KCNH7: variants seen among roughly 807,000 people sequenced by gnomAD.
KCNH7 encodes the protein potassium voltage-gated channel subfamily H member 7.
Under a neutral mutation model 120.8 loss-of-function variants are expected in KCNH7, and 49 were observed. That is an observed-to-expected ratio of 0.41 (90% CI 0.32 to 0.51). KCNH7 has a LOEUF of 0.51. Among genes scored for constraint, KCNH7 ranks in the 20% least tolerant of loss-of-function variants. The pLI is 0.38. For missense variants in KCNH7, 1,097 were observed against 1,446.6 expected, an observed-to-expected ratio of 0.76 and a Z score of 3.92; for synonymous variants, 547 against 516.1, an observed-to-expected ratio of 1.06 and a Z score of -0.81.
intron 2 of KCNH7, among the ~76,000 whole-genome samples, chr2:162,647,066 G>C (rs1031938534): frequency 1.5e-4 from 23 of 152,206 alleles, no homozygotes; most frequent in African/African-American, 4.6e-4. Context: ...AAATACAGAG[G>C]GGCTTCAATG....
chr2:162,683,045 T>C (rs11678942), intron 2 of KCNH7, among the ~76,000 whole-genome samples: 22,492 of 151,750 alleles, frequency 0.15, 1,916 homozygotes, highest in East Asian at 0.34. Flanking sequence ...GATATTGAAA[T>C]AGGAAGTGCT....
intron 8 of KCNH7, among the ~76,000 whole-genome samples, chr2:162,425,622 T>G (rs1228273308): frequency 1.3e-5 from 2 of 152,164 alleles, no homozygotes; most frequent in Non-Finnish European, 2.9e-5. Context: ...ATACCTATCA[T>G]GTGCTCAGGA....
chr2:162,443,159 A>C (rs1454852752), intron 7 of KCNH7, among the ~76,000 whole-genome samples: 1 of 152,180 alleles, frequency 6.6e-6, no homozygotes. Flanking sequence ...CAGAAAACTG[A>C]CACATGGTTC....
intron 2 of KCNH7, among the ~76,000 whole-genome samples, chr2:162,684,206 G>T (rs1011230327): frequency 1.3e-5 from 2 of 151,996 alleles, no homozygotes; most frequent in Non-Finnish European, 2.9e-5. Flanking sequence ...ACTCAAGATG[G>T]ATTAAACACT....
intron 8 of KCNH7, among the ~76,000 whole-genome samples, chr2:162,428,533 A>G (rs891918029): frequency 3.3e-5 from 5 of 151,942 alleles, no homozygotes; most frequent in Non-Finnish European, 5.9e-5. Flanking sequence ...AATTGTCAAT[A>G]TGTCAAGTTT....
chr2:162,665,512 G>GA (rs1425473693), intron 2 of KCNH7, among the ~76,000 whole-genome samples: 2 of 152,068 alleles, frequency 1.3e-5, no homozygotes, highest in African/African-American at 4.8e-5. Flanking sequence ...GAAATTACCA[G>GA]AAAAAACTAA....
rs545538966 is a variant in KCNH7 at position 162,818,456 on chromosome 2, C to T, written c.307+18081G>A. Among the ~76,000 whole-genome samples the T allele has an allele frequency of 8.7e-4, 132 of 152,110 alleles. 2 individuals are homozygous for T. In the South Asian group the frequency reaches 0.027, roughly 31 times the overall value. The stretch of plus-strand genomic sequence containing the variant: ...TTGATTATTATTTATTTATATTATG[C>T]TGATATCAAACTGTTATCATTACTA... On this transcript the variant is annotated intron_variant, in intron 2 of 15. Transcript: ENST00000332142.
intron 6 of KCNH7, among the ~76,000 whole-genome samples, chr2:162,468,634 C>A (rs1689389765): frequency 1.3e-5 from 2 of 150,220 alleles, no homozygotes; most frequent in Middle Eastern, 6.8e-3. Context: ...GATTCTCCTG[C>A]CTCAGCCTTC....
At chr2:162,808,044 G>A (rs188756011) in intron 2 of KCNH7, among the ~76,000 whole-genome samples, 2 of 152,176 alleles carry the variant, frequency 1.3e-5, no homozygotes, top group East Asian at 1.9e-4. Context: ...CTGGTACAGG[G>A]ATTGGAGCCC....
At chr2:162,753,778 T>C (rs1205657733) in intron 2 of KCNH7, among the ~76,000 whole-genome samples, 2 of 152,160 alleles carry the variant, frequency 1.3e-5, no homozygotes, top group Non-Finnish European at 2.9e-5. Flanking sequence ...GATGAATGAC[T>C]TGGGTTCAAG....
chr2:162,477,443 G>A (rs1201175105), intron 6 of KCNH7, among the ~76,000 whole-genome samples: 1 of 152,004 alleles, frequency 6.6e-6, no homozygotes, highest in Non-Finnish European at 1.5e-5. Context: ...GCCTGCTTGA[G>A]AAAAAAAGTC....
chr2:162,413,849 A>C (rs2105470910), intron 9 of KCNH7, among the ~76,000 whole-genome samples: 1 of 152,060 alleles, frequency 6.6e-6, no homozygotes, highest in Admixed American at 6.6e-5. Flanking sequence ...CATATTGAAA[A>C]TATATTAGGA....
chr2:162,537,270 C>A (rs1692141738), intron 2 of KCNH7, among the ~76,000 whole-genome samples, 190 bp from the exon 3 acceptor site: 1 of 151,778 alleles, frequency 6.6e-6, no homozygotes, highest in Non-Finnish European at 1.5e-5. Context: ...ATATGTCTTT[C>A]CAGAAAAACG....
chr2:162,415,959 C>T (rs1295737299), intron 9 of KCNH7, among the ~76,000 whole-genome samples: 2 of 152,040 alleles, frequency 1.3e-5, no homozygotes, highest in African/African-American at 4.8e-5. Flanking sequence ...TTTAGAAGTC[C>T]GGCTTGTAAA....
chr2:162,822,934 C>A (rs1347772557), intron 2 of KCNH7, among the ~76,000 whole-genome samples: 1 of 152,212 alleles, frequency 6.6e-6, no homozygotes, highest in Non-Finnish European at 1.5e-5. Context: ...AAGAAGATTA[C>A]AAGCCTCCAA....
chr2:162,652,291 A>G (rs1684591974), intron 2 of KCNH7, among the ~76,000 whole-genome samples: 1 of 152,228 alleles, frequency 6.6e-6, no homozygotes, highest in African/African-American at 2.4e-5. Context: ...GAAAATGGGA[A>G]TGATAATAAT....
intron 2 of KCNH7, chr2:162,796,561 C>T (rs1684155105): frequency 3.3e-5 from 5 of 152,092 alleles, no homozygotes; most frequent in Admixed American, 3.3e-4. Flanking sequence ...TGGTTATGCC[C>T]TACCCACCTT....
At position 162,730,017 on chromosome 2, in the gene KCNH7, G is replaced by A. The variant is rs556590256; in HGVS notation, c.307+106520C>T. Among the ~76,000 whole-genome samples the A allele has an allele frequency of 4.8e-4, 72 of 151,508 alleles. 1 individual carries two copies. In the South Asian group the frequency reaches 0.015, roughly 31 times the overall value. On this transcript the variant is annotated intron_variant, in intron 2 of 15. Transcript: ENST00000332142. ...AAAACATAAAAAAGCAAGTTAATTTGAACAGGTTGATCTTAAAAAATATGT... is the reference window on the plus strand; with the variant it reads ...AAAACATAAAAAAGCAAGTTAATTTAAACAGGTTGATCTTAAAAAATATGT...
intron 2 of KCNH7, among the ~76,000 whole-genome samples, chr2:162,577,936 T>A (rs1693744231): frequency 6.6e-6 from 1 of 152,054 alleles, no homozygotes; most frequent in Non-Finnish European, 1.5e-5. Flanking sequence ...ATTTCCGTTT[T>A]ATAGTTGAAG....
Sources: allele counts gnomAD v4.1 joint callset (sites outside exome capture counted in the v4.1 genomes callset), GRCh38; gene constraint gnomAD v4.1.1; transcripts MANE v1.5; gene names NCBI Gene and HGNC (gene_info 2026-07-23, HGNC 2026-07-21).